Variants in XKR9 observed in about 807,000 individuals in gnomAD.
XKR9 encodes XK related 9, also known as XK-related protein 9.
Under a neutral mutation model 32.0 loss-of-function variants are expected in XKR9, and 32 were observed. The ratio of observed to expected loss-of-function variants is 1.00; its 90% CI spans 0.76 to 1.34. The LOEUF is 1.34. XKR9 is among the 40% of genes most tolerant of loss of function. The probability of loss-of-function intolerance (pLI) is 0.00; values close to 1 mark genes in which losing one functional copy is unlikely to be tolerated. For missense variants in XKR9, 546 were observed against 429.7 expected, an observed-to-expected ratio of 1.27 and a Z score of -2.39; for synonymous variants, 168 against 143.4, an observed-to-expected ratio of 1.17 and a Z score of -1.22.
chr8:70,785,741 A>C (rs28766992), intron 2 of XKR9, among the ~76,000 whole-genome samples: 13,723 of 85,488 alleles, frequency 0.16, 853 homozygotes, highest in East Asian at 0.31. Flanking sequence ...CTCTCTCTCT[A>C]TATATATATA....
At chr8:71,059,561 T>C in the XKR9 span, among the ~76,000 whole-genome samples, 4 of 152,232 alleles carry the variant, frequency 2.6e-5, no homozygotes, top group African/African-American at 4.8e-5. Context: ...CTGTGTTTCT[T>C]AGTGCTATTC....
the XKR9 span, among the ~76,000 whole-genome samples, chr8:71,057,452 A>G: frequency 4.3e-4 from 65 of 152,310 alleles, 1 homozygote; most frequent in African/African-American, 1.5e-3. Context: ...GGCCCTGGAC[A>G]TTCTCCCTAA....
the XKR9 span, among the ~76,000 whole-genome samples, chr8:71,060,886 G>T: frequency 6.6e-6 from 1 of 152,122 alleles, no homozygotes; most frequent in East Asian, 1.9e-4. Flanking sequence ...TTGCACTTAC[G>T]TAGTCTGACT....
At chr8:70,700,300 C>G (rs940912696) in intron 3 of XKR9, among the ~76,000 whole-genome samples, 4 of 152,070 alleles carry the variant, frequency 2.6e-5, no homozygotes, top group African/African-American at 7.2e-5. Flanking sequence ...GTTTTTTCCC[C>G]CTCTTTGTGG....
chr8:70,748,823 C>T (rs921305091), intron 2 of XKR9, among the ~76,000 whole-genome samples: 1 of 152,110 alleles, frequency 6.6e-6, no homozygotes, highest in Admixed American at 6.6e-5. Context: ...GACCAATCAG[C>T]ATGCACTTCC....
At chr8:70,776,836 G>T (rs191861672) in intron 2 of XKR9, among the ~76,000 whole-genome samples, 1,607 of 151,330 alleles carry the variant, frequency 0.011, 19 homozygotes, top group Non-Finnish European at 0.013. Context: ...ACTGGGAGCT[G>T]CCTGAGGGCA....
At chr8:70,984,499 A>G in the XKR9 span, among the ~76,000 whole-genome samples, 4 of 152,214 alleles carry the variant, frequency 2.6e-5, no homozygotes, top group Non-Finnish European at 5.9e-5. Flanking sequence ...TCAGTAAAAC[A>G]TAAGCCAGCA....
At chr8:70,977,430 A>T in the XKR9 span, among the ~76,000 whole-genome samples, 302 of 152,280 alleles carry the variant, frequency 2.0e-3, no homozygotes, top group Non-Finnish European at 3.7e-3. Flanking sequence ...TGTGTCCCAG[A>T]GATTATGGTA....
the XKR9 span, among the ~76,000 whole-genome samples, chr8:70,976,629 TG>T: frequency 6.6e-6 from 1 of 152,246 alleles, no homozygotes; most frequent in African/African-American, 2.4e-5. Context: ...CAGTATTTTA[TG>T]GAGGATTTTT....
the XKR9 span, among the ~76,000 whole-genome samples, chr8:70,909,724 T>G: frequency 6.9e-6 from 1 of 144,992 alleles, no homozygotes; most frequent in African/African-American, 2.6e-5. Context: ...TTTTTTTTTT[T>G]TTTTAACAGA....
chr8:70,973,882 A>AT, the XKR9 span, among the ~76,000 whole-genome samples: 1 of 152,184 alleles, frequency 6.6e-6, no homozygotes, highest in South Asian at 2.1e-4. Flanking sequence ...GTGGCCTATC[A>AT]TATGGTCTAT....
chr8:70,700,142 T>C (rs550093840), intron 3 of XKR9, among the ~76,000 whole-genome samples: 1 of 152,242 alleles, frequency 6.6e-6, no homozygotes, highest in Non-Finnish European at 1.5e-5. Flanking sequence ...CTCCTGTAGG[T>C]CAGAGTAGTT....
intron 2 of XKR9, among the ~76,000 whole-genome samples, chr8:70,787,613 G>T (rs1391476180): frequency 1.3e-5 from 2 of 152,060 alleles, no homozygotes; most frequent in Non-Finnish European, 2.9e-5. Flanking sequence ...TTGTTAATCT[G>T]GTTACTGAGC....
chr8:70,682,754 T>G (rs1406656537), intron 3 of XKR9, among the ~76,000 whole-genome samples: 1 of 152,214 alleles, frequency 6.6e-6, no homozygotes, highest in African/African-American at 2.4e-5. Flanking sequence ...CCAGAAAGCC[T>G]GTTTTGCTTT....
the XKR9 span, among the ~76,000 whole-genome samples, chr8:71,038,607 C>T: frequency 4.6e-5 from 7 of 151,584 alleles, no homozygotes; most frequent in Admixed American, 6.6e-5. Flanking sequence ...CGTGAGCCAC[C>T]GCGCCTGGCC....
chr8:70,839,535 G>A, the XKR9 span, among the ~76,000 whole-genome samples: 1 of 152,112 alleles, frequency 6.6e-6, no homozygotes, highest in East Asian at 1.9e-4. Flanking sequence ...GCTTAAACAC[G>A]AGGACAATTT....
At chr8:70,989,330 T>C in the XKR9 span, among the ~76,000 whole-genome samples, 1 of 152,226 alleles carries the variant, frequency 6.6e-6, no homozygotes, top group African/African-American at 2.4e-5. Flanking sequence ...CAATTCGAAA[T>C]AAAATTTATA....
the XKR9 span, among the ~76,000 whole-genome samples, chr8:71,026,978 A>G: frequency 6.6e-6 from 1 of 152,374 alleles, no homozygotes; most frequent in African/African-American, 2.4e-5. Context: ...GTTTATTTTC[A>G]AAACCTTTAA....
At chr8:70,671,692 C>T (rs538194544) in intron 1 of XKR9, among the ~76,000 whole-genome samples, 1 of 84,870 alleles carries the variant, frequency 1.2e-5, no homozygotes, top group Non-Finnish European at 3.0e-5. Flanking sequence ...CATAGTATTC[C>T]ATGGTGTATA....
Sources: allele counts gnomAD v4.1 joint callset (sites outside exome capture counted in the v4.1 genomes callset), GRCh38; gene constraint gnomAD v4.1.1; transcripts MANE v1.5; gene names NCBI Gene and HGNC (gene_info 2026-07-23, HGNC 2026-07-21).